The following SATB2 variants were observed in gnomAD, a reference collection of about 807,000 sequenced individuals.
The protein encoded by SATB2 is SATB homeobox 2.
In SATB2, 1 loss-of-function variant was observed where a neutral mutation model predicts 73.4. The observed-to-expected ratio is 0.01, with a 90% CI of 0.00 to 0.06. SATB2 has a LOEUF of 0.06. Among genes scored for constraint, SATB2 ranks in the 10% least tolerant of loss-of-function variants. The pLI is 1.00. For missense variants in SATB2, 459 were observed against 945.8 expected, an observed-to-expected ratio of 0.49 and a Z score of 6.75; for synonymous variants, 397 against 367.0, an observed-to-expected ratio of 1.08 and a Z score of -0.93.
chr2:199,303,535 G>A (rs1687343599), intron 10 of SATB2, among the ~76,000 whole-genome samples: 1 of 152,046 alleles, frequency 6.6e-6, no homozygotes, highest in Non-Finnish European at 1.5e-5. Context: ...TTTCATTCTT[G>A]GCATTGTAGA....
chr2:199,344,755 C>A (rs1688602652), intron 7 of SATB2, among the ~76,000 whole-genome samples: 1 of 152,134 alleles, frequency 6.6e-6, no homozygotes, highest in Non-Finnish European at 1.5e-5. Context: ...CTCAAATTGA[C>A]CCCCTATCAC....
At chr2:199,445,050 A>G (rs1691925025) in intron 2 of SATB2, among the ~76,000 whole-genome samples, 1 of 152,236 alleles carries the variant, frequency 6.6e-6, no homozygotes, top group Admixed American at 6.5e-5. Flanking sequence ...TCAATCTTCA[A>G]TATAATTATG....
rs1205812031 is a variant in SATB2, at chr2:199,366,923, AAC to A, written c.700+1680_700+1681del. Among the ~76,000 whole-genome samples the A allele has an allele frequency of 7.1e-3, 809 of 114,196 alleles. 5 individuals are homozygous for A. Among genetic ancestry groups the A allele is most frequent in the African/African-American group, 0.021 (743 of 35,020 alleles). 74.9% of individuals were successfully genotyped at this position (114,196 alleles called of 152,430 possible). On this transcript the variant is annotated intron_variant, in intron 6 of 10. Transcript: ENST00000417098. ...GAATGCACACACACACACACACACA[AAC>A]ACACACACACATTCTGTAGTGGCAA...
At chr2:199,301,732 G>A (rs1361672512) in intron 10 of SATB2, among the ~76,000 whole-genome samples, 2 of 152,158 alleles carry the variant, frequency 1.3e-5, no homozygotes, top group African/African-American at 4.8e-5. Flanking sequence ...GGCAGGCCAA[G>A]GTGTGGAGGA....
chr2:199,280,160 C>G (rs558024019), intron 10 of SATB2, among the ~76,000 whole-genome samples: 10 of 152,282 alleles, frequency 6.6e-5, no homozygotes, highest in African/African-American at 2.4e-4. Flanking sequence ...TAATTTCTTA[C>G]GCCGATCTTT....
chr2:199,287,901 A>G (rs780376364), intron 10 of SATB2, among the ~76,000 whole-genome samples: 1 of 152,202 alleles, frequency 6.6e-6, no homozygotes, highest in Non-Finnish European at 1.5e-5. Context: ...CATACCCCCG[A>G]GTCTAACATG....
intron 3 of SATB2, among the ~76,000 whole-genome samples, chr2:199,409,149 C>T (rs1249206004): frequency 6.7e-6 from 1 of 148,598 alleles, no homozygotes; most frequent in Non-Finnish European, 1.5e-5. Flanking sequence ...AAAGCTCCAA[C>T]ATTTTCTTTT....
At chr2:199,370,448 T>C (rs1273116818) in intron 5 of SATB2, among the ~76,000 whole-genome samples, 1 of 152,184 alleles carries the variant, frequency 6.6e-6, no homozygotes, top group Non-Finnish European at 1.5e-5. Context: ...ACCACAAACG[T>C]ACTTGTCATC....
chr2:199,467,743 A>G (rs1692621391), upstream of SATB2, among the ~76,000 whole-genome samples: 1 of 152,120 alleles, frequency 6.6e-6, no homozygotes, highest in Non-Finnish European at 1.5e-5. Flanking sequence ...CCCTACCGCA[A>G]TATACCCCTC....
At chr2:199,431,512 T>C (rs1244079724) in intron 3 of SATB2, among the ~76,000 whole-genome samples, 2 of 152,212 alleles carry the variant, frequency 1.3e-5, no homozygotes, top group Admixed American at 6.5e-5. Flanking sequence ...AACTTATAAA[T>C]AGTAGAATAT....
At chr2:199,353,480 T>G (rs1267303876) in intron 6 of SATB2, among the ~76,000 whole-genome samples, 2 of 152,124 alleles carry the variant, frequency 1.3e-5, no homozygotes, top group African/African-American at 4.8e-5. Flanking sequence ...GAAAACATTT[T>G]AATTTAGTTC....
chr2:199,446,827 A>G (rs188643147), intron 2 of SATB2, among the ~76,000 whole-genome samples: 116 of 152,314 alleles, frequency 7.6e-4, no homozygotes, highest in African/African-American at 2.7e-3. Context: ...GAGTTCTGAA[A>G]TTATGAGACC....
At chr2:199,334,564 CAA>C (rs770361208) in intron 7 of SATB2, among the ~76,000 whole-genome samples, 1 of 142,568 alleles carries the variant, frequency 7.0e-6, no homozygotes, top group Non-Finnish European at 1.5e-5. Flanking sequence ...CTTGAAATGT[CAA>C]AAAAAAAAAG....
chr2:199,355,277 T>C (rs1238094645), intron 6 of SATB2, among the ~76,000 whole-genome samples: 1 of 150,132 alleles, frequency 6.7e-6, no homozygotes, highest in Non-Finnish European at 1.5e-5. Context: ...TACAAGGATG[T>C]GTGTATATAT....
At chr2:199,386,116 T>C (rs1041031159) in intron 3 of SATB2, among the ~76,000 whole-genome samples, 7 of 152,182 alleles carry the variant, frequency 4.6e-5, no homozygotes, top group South Asian at 2.1e-4. Flanking sequence ...GAGTATTCCT[T>C]ATCCAAAATC....
At chr2:199,403,857 A>G (rs1690555703) in intron 3 of SATB2, among the ~76,000 whole-genome samples, 1 of 151,976 alleles carries the variant, frequency 6.6e-6, no homozygotes, top group Admixed American at 6.6e-5. Flanking sequence ...GTCCTCTTCT[A>G]TTCAACCATC....
At chr2:199,353,137 C>A (rs1000095659) in intron 6 of SATB2, among the ~76,000 whole-genome samples, 1 of 146,112 alleles carries the variant, frequency 6.8e-6, no homozygotes, top group Non-Finnish European at 1.5e-5. Flanking sequence ...ACCATTTACA[C>A]ACGTTTTTGT....
upstream of SATB2, chr2:199,458,590 C>A: frequency 4.6e-6 from 2 of 431,650 alleles, no homozygotes; most frequent in Non-Finnish European, 9.2e-6. Context: ...GCGCACTCGT[C>A]CCGGCGCGGA....
chr2:199,418,088 G>A (rs952588345), intron 3 of SATB2, among the ~76,000 whole-genome samples: 1 of 152,162 alleles, frequency 6.6e-6, no homozygotes, highest in African/African-American at 2.4e-5. Context: ...CAACTAACAT[G>A]ATTCAGCCCT....
Sources: allele counts gnomAD v4.1 joint callset (sites outside exome capture counted in the v4.1 genomes callset), GRCh38; gene constraint gnomAD v4.1.1; transcripts MANE v1.5; gene names NCBI Gene and HGNC (gene_info 2026-07-23, HGNC 2026-07-21).